PTER: variants seen among roughly 807,000 people sequenced by gnomAD.
The protein encoded by PTER is N-acetyltaurine hydrolase.
In PTER, 38 loss-of-function variants were observed where a neutral mutation model predicts 29.6. That is an observed-to-expected ratio of 1.28 (90% confidence interval 0.99 to 1.68). The LOEUF is 1.68. Ranked by LOEUF, PTER falls within the 40% of genes most tolerant of loss-of-function variation. The pLI is 0.00. For missense variants in PTER, 482 were observed against 427.8 expected, an observed-to-expected ratio of 1.13 and a Z score of -1.12; for synonymous variants, 172 against 154.5, an observed-to-expected ratio of 1.11 and a Z score of -0.84.
At chr10:16,487,422 A>G (rs1363151870) in intron 3 of PTER, among the ~76,000 whole-genome samples, 2 of 152,062 alleles carry the variant, frequency 1.3e-5, no homozygotes, top group African/African-American at 4.8e-5. Context: ...CTCACTGTCT[A>G]TGTCTTCTCC....
downstream of PTER, among the ~76,000 whole-genome samples, chr10:16,518,684 G>A (rs1836989637): frequency 6.6e-6 from 1 of 152,056 alleles, no homozygotes; most frequent in Non-Finnish European, 1.5e-5. Flanking sequence ...ATTTAAAGAT[G>A]TGAGCATTTT....
downstream of PTER, among the ~76,000 whole-genome samples, chr10:16,516,134 A>G (rs1425600576): frequency 1.3e-5 from 2 of 152,296 alleles, 1 homozygote; most frequent in Middle Eastern, 6.8e-3. Context: ...ACATAGCAAA[A>G]GGAGAAAATG....
At chr10:16,468,499 T>G (rs1834925983) in intron 1 of PTER, among the ~76,000 whole-genome samples, 1 of 152,210 alleles carries the variant, frequency 6.6e-6, no homozygotes, top group African/African-American at 2.4e-5. Flanking sequence ...CTTACTTTAT[T>G]GTATGATTCC....
intron 1 of PTER, among the ~76,000 whole-genome samples, chr10:16,464,365 A>C (rs1834731293): frequency 6.6e-6 from 1 of 152,208 alleles, no homozygotes; most frequent in Non-Finnish European, 1.5e-5. Context: ...TATTCAGGTC[A>C]TGCTGGTTTT....
intron 3 of PTER, 64 bp downstream of exon 3, chr10:16,486,681 A>T: frequency 1.3e-6 from 2 of 1,492,160 alleles, no homozygotes. Context: ...TCAAATTAAG[A>T]ATCTACAGTA....
intron 3 of PTER, among the ~76,000 whole-genome samples, chr10:16,503,016 G>A (rs1420853894): frequency 7.9e-4 from 107 of 134,842 alleles, no homozygotes; most frequent in Non-Finnish European, 1.3e-3. Flanking sequence ...AAAAATCTCT[G>A]AAAATACTTC....
chr10:16,464,032 C>T (rs1318953279), intron 1 of PTER, among the ~76,000 whole-genome samples: 1 of 152,150 alleles, frequency 6.6e-6, no homozygotes, highest in Admixed American at 6.5e-5. Flanking sequence ...GATCCCTTGC[C>T]TACTTCACCG....
intron 3 of PTER, among the ~76,000 whole-genome samples, chr10:16,503,302 C>T (rs1836435504): frequency 6.6e-6 from 1 of 151,906 alleles, no homozygotes; most frequent in Non-Finnish European, 1.5e-5. Context: ...TCTCAGCTCA[C>T]TGCAACCTCC....
chr10:16,495,361 G>A (rs1836056477), intron 3 of PTER, among the ~76,000 whole-genome samples: 1 of 152,060 alleles, frequency 6.6e-6, no homozygotes, highest in Non-Finnish European at 1.5e-5. Flanking sequence ...GTAGAGACGA[G>A]GTTTTGCCAT....
At chr10:16,480,723 A>G (rs1395262678) in intron 1 of PTER, among the ~76,000 whole-genome samples, 1 of 152,190 alleles carries the variant, frequency 6.6e-6, no homozygotes, top group African/African-American at 2.4e-5. Flanking sequence ...ACATAGACGG[A>G]ATCATCTTAA....
At chr10:16,510,027 C>A (rs1350111534) in intron 4 of PTER, among the ~76,000 whole-genome samples, 3 of 152,054 alleles carry the variant, frequency 2.0e-5, no homozygotes, top group African/African-American at 7.2e-5. Context: ...AAAAAAGATA[C>A]CTTTCAAATA....
intron 1 of PTER, among the ~76,000 whole-genome samples, chr10:16,465,489 C>T (rs1422310215): frequency 6.6e-6 from 1 of 152,124 alleles, no homozygotes. Flanking sequence ...ATCTGTAAAT[C>T]AAAGCAGTTT....
intron 1 of PTER, among the ~76,000 whole-genome samples, chr10:16,457,798 C>T (rs1389790953): frequency 2.0e-5 from 3 of 151,612 alleles, no homozygotes; most frequent in Non-Finnish European, 4.4e-5. Flanking sequence ...TTAGTAGAGA[C>T]GGGATTTCAC....
chr10:16,498,358 C>T (rs573729173), intron 3 of PTER, among the ~76,000 whole-genome samples: 3 of 152,184 alleles, frequency 2.0e-5, no homozygotes, highest in South Asian at 2.1e-4. Context: ...GATCAGCTGG[C>T]GCATCAGCTG....
chr10:16,444,384 G>T (rs1434193557), intron 1 of PTER, among the ~76,000 whole-genome samples: 1 of 151,648 alleles, frequency 6.6e-6, no homozygotes, highest in Non-Finnish European at 1.5e-5. Context: ...GGGCTAAAGC[G>T]ATCCTCCTGA....
chr10:16,500,752 T>G (rs911217538), intron 3 of PTER, among the ~76,000 whole-genome samples: 3 of 152,018 alleles, frequency 2.0e-5, no homozygotes, highest in African/African-American at 7.3e-5. Context: ...TTATATTTCT[T>G]TTTTTAGAGT....
At chr10:16,514,998 C>T (rs756390669), downstream of PTER, among the ~76,000 whole-genome samples, 4 of 152,086 alleles carry the variant, frequency 2.6e-5, no homozygotes, top group Non-Finnish European at 1.5e-5. Context: ...TCCTGTATCA[C>T]TCGTTTTTCT....
intron 1 of PTER, among the ~76,000 whole-genome samples, chr10:16,479,824 G>T (rs1249673619): frequency 6.6e-6 from 1 of 151,578 alleles, no homozygotes; most frequent in East Asian, 2.0e-4. Context: ...GGTACAACGG[G>T]CCCCCTCCCT....
chr10:16,469,386 A>G (rs1256291911), intron 1 of PTER, among the ~76,000 whole-genome samples: 1 of 152,212 alleles, frequency 6.6e-6, no homozygotes, highest in South Asian at 2.1e-4. Context: ...CGATTTAGAA[A>G]GAGCGCTGTA....
Sources: allele counts gnomAD v4.1 joint callset (sites outside exome capture counted in the v4.1 genomes callset), GRCh38; gene constraint gnomAD v4.1.1; transcripts MANE v1.5; gene names NCBI Gene and HGNC (gene_info 2026-07-23, HGNC 2026-07-21).